The following ZC3H14 variants were observed in gnomAD, a reference collection of about 807,000 sequenced individuals.
ZC3H14 encodes the protein zinc finger CCCH-type containing 14.
A neutral mutation model predicts 92.4 loss-of-function variants in ZC3H14; 31 were observed. That is an observed-to-expected ratio of 0.34 (90% CI 0.25 to 0.45). ZC3H14 has a LOEUF of 0.45. ZC3H14 is among the 20% of genes least tolerant of loss of function. The pLI, the probability that ZC3H14 is intolerant of heterozygous loss-of-function variation, is 1.00. For synonymous variants in ZC3H14, 321 were observed against 300.9 expected, an observed-to-expected ratio of 1.07 and a Z score of -0.69; for missense variants, 781 against 897.3, an observed-to-expected ratio of 0.87 and a Z score of 1.66.
intron 10 of ZC3H14, among the ~76,000 whole-genome samples, chr14:88,601,341 G>A (rs1281267802): frequency 3.3e-5 from 5 of 152,318 alleles, no homozygotes; most frequent in African/African-American, 1.2e-4. Context: ...TAAAATAGTA[G>A]ATGATGTGAG....
At chr14:88,563,981 A>G (rs1008089402) in intron 2 of ZC3H14, among the ~76,000 whole-genome samples, 1 of 151,906 alleles carries the variant, frequency 6.6e-6, no homozygotes, top group Non-Finnish European at 1.5e-5. Flanking sequence ...CTCTCATTTT[A>G]AATTCTAGGG....
Position 88,572,608 on chromosome 14 carries a change from A to C in ZC3H14, c.462A>C (p.Arg154=), listed in dbSNP as rs760811356. The part of the protein sequence containing the change: ...RQTYDDGAAT[R]LMSTVKPLRE... ...CTTACGATGATGGAGCTGCAACCCG[A>C]CTAATGTCAACAGTGAAACCTTTGA... is the stretch of plus-strand genomic sequence containing the variant. The change falls in exon 6 of 17, where the codon CGA becomes CGC. Residue 154 remains arginine (R), a synonymous_variant. Transcript: ENST00000251038. The C allele has an allele frequency of 4.3e-6, 7 of 1,614,184 alleles. No individual in the cohort carries two copies. Among genetic ancestry groups the C allele is most frequent in the Non-Finnish European group, 5.9e-6 (7 of 1,180,036 alleles).
chr14:88,603,549 A>G (rs1161738508), intron 12 of ZC3H14, among the ~76,000 whole-genome samples: 1 of 152,246 alleles, frequency 6.6e-6, no homozygotes, highest in Non-Finnish European at 1.5e-5. Flanking sequence ...AATATTTAGC[A>G]GAACTCAGAT....
chr14:88,578,922 A>G (rs2081540434), intron 9 of ZC3H14, among the ~76,000 whole-genome samples: 2 of 151,096 alleles, frequency 1.3e-5, no homozygotes, highest in South Asian at 2.1e-4. Flanking sequence ...ATTACCCAGA[A>G]CTAACGCTAT....
Position 88,625,144 on chromosome 14 carries a change from GA to G in ZC3H14, c.*13394del. ...CAAGTTATTCTGAAAAGGAGTGGGG[GA>G]GGGGGAGACAAACTCATCAAAAGTT... On this transcript the variant is annotated 3_prime_UTR_variant, in exon 17 of 17. Transcript: ENST00000251038. 1 of 1,612,656 alleles carries G rather than the reference GA, an allele frequency of 6.2e-7. No individual in the cohort carries two copies. The highest frequency in any genetic ancestry group is 8.5e-7 in the Non-Finnish European group (1 of 1,179,336).
chr14:88,563,901 G>C (rs2079220369), intron 2 of ZC3H14, among the ~76,000 whole-genome samples: 1 of 151,866 alleles, frequency 6.6e-6, no homozygotes, highest in Non-Finnish European at 1.5e-5. Flanking sequence ...ATGGTGTTTT[G>C]AAATTTAGTT....
At chr14:88,595,130 A>G in intron 9 of ZC3H14, 2 of 1,604,176 alleles carry the variant, frequency 1.2e-6, no homozygotes, top group Non-Finnish European at 1.7e-6. Context: ...TTAATATATG[A>G]TATGTTCTAG....
intron 12 of ZC3H14, among the ~76,000 whole-genome samples, 181 bp from the exon 13 acceptor site, chr14:88,607,062 C>G (rs2085524244): frequency 6.6e-6 from 1 of 152,230 alleles, no homozygotes; most frequent in South Asian, 2.1e-4. Context: ...TGTCTTCTTC[C>G]TGGCAACCTT....
At chr14:88,580,372 C>G (rs1368601880) in intron 9 of ZC3H14, among the ~76,000 whole-genome samples, 1 of 152,148 alleles carries the variant, frequency 6.6e-6, no homozygotes, top group Non-Finnish European at 1.5e-5. Flanking sequence ...ATAAAACATG[C>G]GTGTAATCCC....
chr14:88,588,959 AATC>A (rs1444346117), intron 9 of ZC3H14, among the ~76,000 whole-genome samples: 1 of 152,148 alleles, frequency 6.6e-6, no homozygotes, highest in African/African-American at 2.4e-5. Flanking sequence ...GTGGATACAG[AATC>A]ATCTCAACTG....
chr14:88,578,444 C>T (rs1055394601), intron 9 of ZC3H14, among the ~76,000 whole-genome samples: 3 of 152,032 alleles, frequency 2.0e-5, no homozygotes, highest in Non-Finnish European at 2.9e-5. Flanking sequence ...CTGCACCCAG[C>T]CCTTTCTAGA....
rs777903485 is a variant in ZC3H14 at position 88,572,842 on chromosome 14, G to T, written c.696G>T (p.Leu232Phe). ...ATAGTGGTGTTCATTTAAACAGGTT[G>T]CAATTTCAACAGCAGCAGAATAGTA... is the stretch of plus-strand genomic sequence containing the variant. ...NADSGVHLNR[L>F]QFQQQQNSIH... Residue 232 changes from leucine to phenylalanine, a missense_variant, in exon 6 of 17, where the codon TTG (leucine) becomes TTT (phenylalanine). Physicochemically the swap from Leu to Phe is conservative, Grantham distance 22 (BLOSUM62 0). This residue lies in a region of ZC3H14 where 454 missense variants were observed against 438.5 expected (regional missense o/e 1.04). Coordinates refer to ENST00000251038, the MANE Select transcript of ZC3H14 (RefSeq NM_024824.5). The T allele has an allele frequency of 1.5e-5, 25 of 1,614,186 alleles. No individual in the cohort carries two copies. Among genetic ancestry groups the T allele is most frequent in the Non-Finnish European group, 2.0e-5 (24 of 1,180,038 alleles).
chr14:88,563,233 A>G, intron 1 of ZC3H14, 64 bp downstream of exon 1: 1 of 1,567,740 alleles, frequency 6.4e-7, no homozygotes, highest in South Asian at 1.2e-5. Context: ...TGTCAGGAGT[A>G]ACGGGGACTG....
At chr14:88,567,217 A>G (rs1417622413) in intron 2 of ZC3H14, among the ~76,000 whole-genome samples, 3 of 150,504 alleles carry the variant, frequency 2.0e-5, no homozygotes, top group Non-Finnish European at 4.4e-5. Context: ...CTGGGTTCAC[A>G]CCATTCTCCT....
chr14:88,618,640 G>A lies in ZC3H14; in HGVS notation c.*6889G>A. 3 of 1,610,510 alleles carry A rather than the reference G, an allele frequency of 1.9e-6. No individual in the cohort carries two copies. The highest frequency in any genetic ancestry group is 2.5e-6 in the Non-Finnish European group (3 of 1,178,412). On this transcript the variant is annotated 3_prime_UTR_variant, in exon 17 of 17. Transcript: ENST00000251038. The stretch of plus-strand genomic sequence containing the variant: ...ACTTGCCACCTGGGTATACAGTATT[G>A]GTACTGTACCTGGAGATAACTGCTA...
At chr14:88,571,908 G>C in intron 4 of ZC3H14, 122 bp from the exon 5 acceptor site, 1 of 700,918 alleles carries the variant, frequency 1.4e-6, no homozygotes, top group Non-Finnish European at 2.1e-6. Context: ...AGGTTGCAGG[G>C]AGCCGAGAAC....
chr14:88,565,102 A>C (rs1259876170), intron 2 of ZC3H14, among the ~76,000 whole-genome samples: 1 of 152,204 alleles, frequency 6.6e-6, no homozygotes, highest in Non-Finnish European at 1.5e-5. Context: ...GTACTTAAAA[A>C]ATTTCTGATT....
chr14:88,572,293 A>G (rs554070000), intron 5 of ZC3H14, 68 bp downstream of exon 5: 8 of 1,551,302 alleles, frequency 5.2e-6, no homozygotes, highest in African/African-American at 2.7e-5. Flanking sequence ...ATTAGTTTTT[A>G]TATCTTTCAG....
At chr14:88,569,873 T>G (rs925786622) in intron 3 of ZC3H14, among the ~76,000 whole-genome samples, 1 of 152,232 alleles carries the variant, frequency 6.6e-6, no homozygotes, top group Non-Finnish European at 1.5e-5. Flanking sequence ...TCAGTTGTTA[T>G]GATACACTGC....
Sources: gnomAD v4.1 joint callset for allele counts (sites outside exome capture counted in the v4.1 genomes callset) on GRCh38, gnomAD v4.1.1 for gene constraint, gnomAD v4.1.1 regional missense constraint, MANE v1.5 for transcripts, NCBI Gene and HGNC (gene_info 2026-07-23, HGNC 2026-07-21) for gene names.